UTS2: variants seen among roughly 807,000 people sequenced by gnomAD.
UTS2 encodes urotensin-2.
Under a neutral mutation model 12.6 loss-of-function variants are expected in UTS2, and 10 were observed. The ratio of observed to expected loss-of-function variants is 0.80; its 90% CI spans 0.49 to 1.35. UTS2 has a LOEUF of 1.35. Among genes scored for constraint, UTS2 ranks in the 40% most tolerant of loss-of-function variants. The probability of loss-of-function intolerance (pLI) is 0.00; values close to 1 mark genes in which losing one functional copy is unlikely to be tolerated. For missense variants in UTS2, 142 were observed against 143.2 expected (o/e 0.99, Z 0.04); for synonymous variants, 52 against 50.0 (o/e 1.04, Z -0.17).
At chr1:7,853,320 G>A, upstream of UTS2, 6 of 1,614,100 alleles carry the variant, frequency 3.7e-6, no homozygotes, top group South Asian at 6.6e-5. Flanking sequence ...AATAAATCAT[G>A]AATTAAAGGA....
In UTS2 at chr1:7,847,695, T is replaced by TTGATTTG; in HGVS notation, c.*70_*71insCAAATCA. On this transcript the variant is annotated 3_prime_UTR_variant, in exon 4 of 4. Coordinates refer to ENST00000361696, the MANE Select transcript of UTS2 (RefSeq NM_006786.4). ...AGTTTTTCTCCACACTGTTTTCAAA[T>TTGATTTG]CAAGCATTGTGTTATTTTTCATATT... 1 of 1,227,462 alleles carries TTGATTTG rather than the reference T, an allele frequency of 8.1e-7. No individual in the cohort carries two copies. Among genetic ancestry groups the TTGATTTG allele is most frequent in the Non-Finnish European group, 1.2e-6 (1 of 848,188 alleles). The allele number at this position is 1,227,462 out of a possible 1,614,324, so 76.0% of individuals were successfully genotyped here.
At chr1:7,871,198 A>T in the UTS2 span, among the ~76,000 whole-genome samples, 1 of 152,144 alleles carries the variant, frequency 6.6e-6, no homozygotes, top group Non-Finnish European at 1.5e-5. Flanking sequence ...TTTGGTCTTG[A>T]TCTGGTGCCA....
At chr1:7,885,155 C>CATCCATCT in the UTS2 span, among the ~76,000 whole-genome samples, 95 of 152,298 alleles carry the variant, frequency 6.2e-4, no homozygotes, top group African/African-American at 2.2e-3. Context: ...TCCATCCATC[C>CATCCATCT]ATCCATCCAC....
the UTS2 span, among the ~76,000 whole-genome samples, chr1:7,863,823 T>A: frequency 1.3e-5 from 2 of 152,368 alleles, no homozygotes; most frequent in South Asian, 4.1e-4. Flanking sequence ...TTCATGATTA[T>A]ATCTGTGGGT....
the UTS2 span, among the ~76,000 whole-genome samples, chr1:7,877,875 A>G: frequency 6.6e-6 from 1 of 151,000 alleles, no homozygotes; most frequent in African/African-American, 2.4e-5. Context: ...TCTGTCTTAA[A>G]AAAAAAAAAA....
At chr1:7,900,570 A>G in the UTS2 span, among the ~76,000 whole-genome samples, 1 of 151,974 alleles carries the variant, frequency 6.6e-6, no homozygotes, top group Non-Finnish European at 1.5e-5. Flanking sequence ...TGAGGTCAGG[A>G]GTTCGAGACT....
the UTS2 span, among the ~76,000 whole-genome samples, chr1:7,904,913 A>AAAAG: frequency 6.6e-6 from 1 of 150,578 alleles, no homozygotes; most frequent in African/African-American, 2.4e-5. Context: ...CAAAAAAAAA[A>AAAAG]AAAAAAAAAA....
chr1:7,857,711 G>T (rs1429229239), upstream of UTS2, among the ~76,000 whole-genome samples: 1 of 151,926 alleles, frequency 6.6e-6, no homozygotes, highest in Non-Finnish European at 1.5e-5. Flanking sequence ...ACTTAGCCAG[G>T]AGTAGTTGTG....
chr1:7,895,807 TATTTGAGTG>T, the UTS2 span, among the ~76,000 whole-genome samples: 7 of 151,984 alleles, frequency 4.6e-5, no homozygotes, highest in African/African-American at 1.7e-4. Flanking sequence ...GATAAAACTC[TATTTGAGTG>T]ATTTTCACTT....
chr1:7,902,919 C>T, the UTS2 span, among the ~76,000 whole-genome samples: 7 of 152,180 alleles, frequency 4.6e-5, no homozygotes, highest in South Asian at 1.5e-3. Context: ...GGGAGGCCTG[C>T]GCGCTGGTGG....
At chr1:7,872,622 G>A in the UTS2 span, among the ~76,000 whole-genome samples, 6 of 152,188 alleles carry the variant, frequency 3.9e-5, no homozygotes, top group Admixed American at 2.6e-4. Flanking sequence ...ACTCTGCGAA[G>A]GCTGAGAGAG....
At chr1:7,850,701 A>G (rs752416508) in intron 2 of UTS2, 111 bp downstream of exon 2, 21 of 1,096,008 alleles carry the variant, frequency 1.9e-5, no homozygotes, top group Non-Finnish European at 2.6e-5. Flanking sequence ...CTTATTTTAT[A>G]TAGCTCATCT....
At chr1:7,909,781 C>T in the UTS2 span, among the ~76,000 whole-genome samples, 1 of 151,808 alleles carries the variant, frequency 6.6e-6, no homozygotes, top group Non-Finnish European at 1.5e-5. Context: ...CCACCACGCC[C>T]AGCTAATTTT....
At chr1:7,888,173 C>A in the UTS2 span, among the ~76,000 whole-genome samples, 5 of 152,368 alleles carry the variant, frequency 3.3e-5, no homozygotes, top group East Asian at 5.8e-4. Flanking sequence ...TTATCTTTAA[C>A]TTTTACCTCT....
the UTS2 span, among the ~76,000 whole-genome samples, chr1:7,897,791 T>C: frequency 6.6e-6 from 1 of 152,134 alleles, no homozygotes; most frequent in Non-Finnish European, 1.5e-5. Context: ...TTCACCATGT[T>C]GGCCAGGCTG....
At chr1:7,877,126 C>CAAAAA in the UTS2 span, among the ~76,000 whole-genome samples, 10 of 62,784 alleles carry the variant, frequency 1.6e-4, no homozygotes, top group Admixed American at 1.3e-3. Flanking sequence ...GAGACTCTAT[C>CAAAAA]AAAAAAAAAA....
the UTS2 span, among the ~76,000 whole-genome samples, chr1:7,868,740 C>A: frequency 1.3e-5 from 2 of 152,182 alleles, no homozygotes; most frequent in Non-Finnish European, 2.9e-5. Context: ...GGAGGCAGTG[C>A]CATGGACTAA....
At chr1:7,878,505 T>C in the UTS2 span, among the ~76,000 whole-genome samples, 22,608 of 152,194 alleles carry the variant, frequency 0.15, 1,976 homozygotes, top group Non-Finnish European at 0.18. Flanking sequence ...TTTTAACAAA[T>C]TTTAAAATGA....
the UTS2 span, among the ~76,000 whole-genome samples, chr1:7,874,147 A>T: frequency 2.6e-5 from 4 of 152,202 alleles, no homozygotes; most frequent in Admixed American, 6.5e-5. Flanking sequence ...GGATCAGCTC[A>T]GATCCAAGAG....
Sources: gnomAD v4.1 joint callset for allele counts (sites outside exome capture counted in the v4.1 genomes callset) on GRCh38, gnomAD v4.1.1 for gene constraint, MANE v1.5 for transcripts, NCBI Gene and HGNC (gene_info 2026-07-23, HGNC 2026-07-21) for gene names.